MED12L: variants seen among roughly 807,000 people sequenced by gnomAD.
The protein encoded by MED12L is mediator complex subunit 12L, also known as mediator of RNA polymerase II transcription subunit 12-like protein.
A neutral mutation model predicts 281.3 loss-of-function variants in MED12L; 60 were observed. The ratio of observed to expected loss-of-function variants is 0.21; its 90% CI spans 0.17 to 0.26. MED12L has a LOEUF of 0.26. MED12L is among the 10% of genes least tolerant of loss of function. MED12L has a pLI of 1.00. For synonymous variants in MED12L, 974 were observed against 987.2 expected, an observed-to-expected ratio of 0.99 and a Z score of 0.25; for missense variants, 2,146 against 2,680.9, an observed-to-expected ratio of 0.80 and a Z score of 4.41.
chr3:151,197,309 G>A (rs1295866841), intron 16 of MED12L, among the ~76,000 whole-genome samples: 2 of 152,132 alleles, frequency 1.3e-5, no homozygotes, highest in Non-Finnish European at 2.9e-5. Context: ...GATTACAGGC[G>A]TGCACTATCA....
At chr3:151,098,645 T>G (rs1213583332) in intron 2 of MED12L, among the ~76,000 whole-genome samples, 1 of 152,210 alleles carries the variant, frequency 6.6e-6, no homozygotes, top group Non-Finnish European at 1.5e-5. Flanking sequence ...TGTCATTGGA[T>G]TTAGGGCCCA....
chr3:151,220,592 G>A (rs9871229), intron 16 of MED12L, among the ~76,000 whole-genome samples: 15,779 of 152,210 alleles, frequency 0.1, 1,108 homozygotes, highest in Middle Eastern at 0.17. Flanking sequence ...TGCTGTTCTT[G>A]TGATAGTGAA....
intron 16 of MED12L, among the ~76,000 whole-genome samples, chr3:151,313,631 G>A (rs1747840512): frequency 6.6e-6 from 1 of 152,060 alleles, no homozygotes; most frequent in Non-Finnish European, 1.5e-5. Flanking sequence ...GGATCACCGG[G>A]TCAAGAGATT....
chr3:151,432,469 T>C (rs1445875300), intron 44 of MED12L, among the ~76,000 whole-genome samples: 3 of 152,260 alleles, frequency 2.0e-5, no homozygotes, highest in South Asian at 4.1e-4. Flanking sequence ...TTTTGAAAGT[T>C]AATACCAAGT....
At chr3:151,199,335 T>G in intron 16 of MED12L, 2 of 1,613,358 alleles carry the variant, frequency 1.2e-6, no homozygotes, top group Non-Finnish European at 1.7e-6. Flanking sequence ...AAAAAATACG[T>G]GAATGGCTCC....
intron 16 of MED12L, among the ~76,000 whole-genome samples, chr3:151,257,336 C>G (rs1005427956): frequency 2.6e-5 from 4 of 152,148 alleles, no homozygotes; most frequent in African/African-American, 9.7e-5. Flanking sequence ...CATTTGTTGA[C>G]CTGTAGTCCT....
intron 16 of MED12L, chr3:151,338,278 C>T: frequency 1.2e-6 from 2 of 1,614,010 alleles, no homozygotes. Flanking sequence ...ATGTAATTTA[C>T]TATTTCATGC....
chr3:151,302,645 C>T (rs570289602), intron 16 of MED12L, among the ~76,000 whole-genome samples: 1 of 152,252 alleles, frequency 6.6e-6, no homozygotes, highest in South Asian at 2.1e-4. Flanking sequence ...AGACTGTCAG[C>T]CATATGCCTG....
intron 5 of MED12L, among the ~76,000 whole-genome samples, chr3:151,148,481 C>T (rs912734759): frequency 5.3e-5 from 8 of 152,186 alleles, no homozygotes; most frequent in Admixed American, 2.6e-4. Flanking sequence ...TCTGCACCAA[C>T]GTCAGGCTGG....
intron 36 of MED12L, among the ~76,000 whole-genome samples, chr3:151,386,825 C>T (rs1713462693): frequency 1.3e-5 from 2 of 152,112 alleles, no homozygotes; most frequent in African/African-American, 4.8e-5. Flanking sequence ...CCACCTGCCT[C>T]AGCCTCCCAA....
At position 151,387,994 on chromosome 3, in the gene MED12L, A is replaced by C. The variant is rs1163720407; in HGVS notation, c.5273A>C (p.Tyr1758Ser). The C allele has an allele frequency of 6.2e-7, 1 of 1,614,040 alleles. No individual in the cohort carries two copies. Among genetic ancestry groups the C allele is most frequent in the African/African-American group, 1.3e-5 (1 of 75,022 alleles). The change falls in exon 37 of 45, where the codon TAC becomes TCC. Residue 1758 changes from tyrosine (Y) to serine (S), a missense_variant. Coordinates refer to ENST00000687756, the MANE Select transcript of MED12L (RefSeq NM_001393769.1). ...HTHPMPKPRS[Y>S]YLQPLPLPPE... The stretch of plus-strand genomic sequence containing the variant: ...CACCCCATGCCCAAGCCCCGCAGTT[A>C]CTACCTCCAGCCACTGCCCCTGCCT...
intron 2 of MED12L, among the ~76,000 whole-genome samples, chr3:151,110,917 G>A (rs1560056509): frequency 6.6e-6 from 1 of 152,274 alleles, no homozygotes; most frequent in East Asian, 1.9e-4. Context: ...GACCTGTACT[G>A]GCACTGGGCA....
chr3:151,410,411 C>T (rs1407185389), intron 40 of MED12L, among the ~76,000 whole-genome samples: 1 of 152,226 alleles, frequency 6.6e-6, no homozygotes, highest in Non-Finnish European at 1.5e-5. Flanking sequence ...CAGCCTGGAT[C>T]CATTCATGCT....
chr3:151,432,626 G>T, intron 44 of MED12L, 126 bp from the exon 45 acceptor site: 1 of 693,624 alleles, frequency 1.4e-6, no homozygotes, highest in Non-Finnish European at 2.5e-6. Context: ...GGCAAGGATA[G>T]TACTCTCCGG....
chr3:151,116,576 C>T, intron 3 of MED12L, 134 bp downstream of exon 3: 1 of 600,498 alleles, frequency 1.7e-6, no homozygotes, highest in Non-Finnish European at 3.0e-6. Flanking sequence ...ACCATGTATA[C>T]CGTCCTGCCC....
At chr3:151,113,953 T>C (rs1712323149) in intron 2 of MED12L, among the ~76,000 whole-genome samples, 1 of 152,184 alleles carries the variant, frequency 6.6e-6, no homozygotes, top group African/African-American at 2.4e-5. Context: ...GTATTTTTAG[T>C]AAAAACATAT....
At position 151,372,480 on chromosome 3, in the gene MED12L, T is replaced by A. The variant is rs907509321; in HGVS notation, c.3665-87T>A. On this transcript the variant is annotated intron_variant, in intron 26 of 44. Transcript: ENST00000687756. Reference sequence around the variant, plus strand: ...AATAATACTGTTCATATATTTTAAATCCCTGAATGCTATCCTCATTTGCTC... The same window carrying A: ...AATAATACTGTTCATATATTTTAAAACCCTGAATGCTATCCTCATTTGCTC... The A allele has an allele frequency of 3.2e-6, 3 of 934,290 alleles. No homozygotes were observed. The African/African-American group carries it at 4.9e-5, about 15-fold the overall frequency. 57.9% of individuals were successfully genotyped at this position (934,290 alleles called of 1,614,324 possible).
At chr3:151,270,826 G>A (rs1003936300) in intron 16 of MED12L, among the ~76,000 whole-genome samples, 12 of 152,122 alleles carry the variant, frequency 7.9e-5, no homozygotes, top group African/African-American at 2.4e-4. Context: ...CCTGCCACTC[G>A]ATGGGACAAT....
At chr3:151,121,934 G>A (rs1342397349) in intron 3 of MED12L, among the ~76,000 whole-genome samples, 3 of 151,630 alleles carry the variant, frequency 2.0e-5, no homozygotes, top group East Asian at 1.9e-4. Flanking sequence ...GGCTGGTCTC[G>A]AACTCTTGAC....
Sources: gnomAD v4.1 joint callset for allele counts (sites outside exome capture counted in the v4.1 genomes callset) on GRCh38, gnomAD v4.1.1 for gene constraint, MANE v1.5 for transcripts, NCBI Gene and HGNC (gene_info 2026-07-23, HGNC 2026-07-21) for gene names.